The following PXDNL variants were observed in gnomAD, a reference collection of about 807,000 sequenced individuals.
PXDNL encodes peroxidasin like, also known as probable oxidoreductase PXDNL.
A neutral mutation model predicts 150.8 loss-of-function variants in PXDNL; 145 were observed. The ratio of observed to expected loss-of-function variants is 0.96; its 90% CI spans 0.84 to 1.10. The LOEUF is 1.10. Among genes scored for constraint, PXDNL ranks in the 50% least tolerant of loss-of-function variants. The probability of loss-of-function intolerance (pLI) is 0.00; values close to 1 mark genes in which losing one functional copy is unlikely to be tolerated. For missense variants in PXDNL, 2,087 were observed against 1,873.9 expected (o/e 1.11, Z -2.10); for synonymous variants, 757 against 725.7 (o/e 1.04, Z -0.69).
intron 4 of PXDNL, among the ~76,000 whole-genome samples, chr8:51,507,895 CT>C (rs1232826496): frequency 1.3e-5 from 2 of 152,162 alleles, no homozygotes; most frequent in Non-Finnish European, 2.9e-5. Flanking sequence ...TGAGAAACAC[CT>C]GAGCTACAGC....
intron 14 of PXDNL, among the ~76,000 whole-genome samples, chr8:51,421,609 G>A (rs1249551055): frequency 1.3e-5 from 2 of 152,166 alleles, no homozygotes; most frequent in Admixed American, 1.3e-4. Flanking sequence ...TGGGGCAGGA[G>A]AATTGCTTGA....
intron 1 of PXDNL, among the ~76,000 whole-genome samples, chr8:51,705,156 TG>T (rs1816350724): frequency 6.6e-6 from 1 of 152,170 alleles, no homozygotes; most frequent in South Asian, 2.1e-4. Flanking sequence ...TTCTCAGGCA[TG>T]GGGGGTCTCC....
intron 21 of PXDNL, among the ~76,000 whole-genome samples, chr8:51,322,282 A>G (rs1392745357): frequency 6.6e-6 from 1 of 152,090 alleles, no homozygotes; most frequent in African/African-American, 2.4e-5. Flanking sequence ...AGAGATGACC[A>G]TGTCTTTCAG....
At chr8:51,545,718 G>C (rs915813806) in intron 4 of PXDNL, among the ~76,000 whole-genome samples, 1 of 152,126 alleles carries the variant, frequency 6.6e-6, no homozygotes, top group South Asian at 2.1e-4. Flanking sequence ...CCAAGATGTG[G>C]AACTCACCCC....
At chr8:51,476,668 C>CT (rs1022685412) in intron 6 of PXDNL, among the ~76,000 whole-genome samples, 1 of 152,120 alleles carries the variant, frequency 6.6e-6, no homozygotes, top group South Asian at 2.1e-4. Context: ...ATGATTAATA[C>CT]TTTTTTTCAT....
chr8:51,618,441 T>C (rs975470834), intron 2 of PXDNL, among the ~76,000 whole-genome samples: 3 of 152,142 alleles, frequency 2.0e-5, no homozygotes, highest in Non-Finnish European at 4.4e-5. Context: ...GCTATAATAA[T>C]CCTCCAGTAA....
At chr8:51,710,659 T>C (rs1484349081) in intron 1 of PXDNL, among the ~76,000 whole-genome samples, 2 of 152,194 alleles carry the variant, frequency 1.3e-5, no homozygotes, top group African/African-American at 4.8e-5. Flanking sequence ...AGTCTGACCA[T>C]TTTAGATCCC....
At chr8:51,399,593 C>A (rs985992772) in intron 17 of PXDNL, among the ~76,000 whole-genome samples, 23 of 152,276 alleles carry the variant, frequency 1.5e-4, no homozygotes, top group African/African-American at 5.3e-4. Flanking sequence ...AGACAGACTG[C>A]AAAGACCATG....
intron 1 of PXDNL, among the ~76,000 whole-genome samples, chr8:51,682,238 C>T (rs1222018641): frequency 2.0e-5 from 3 of 152,056 alleles, no homozygotes; most frequent in Non-Finnish European, 4.4e-5. Flanking sequence ...AAAATTCCAG[C>T]CAGGGAATTT....
intron 17 of PXDNL, among the ~76,000 whole-genome samples, chr8:51,407,219 A>G (rs1808461141): frequency 6.6e-6 from 1 of 152,158 alleles, no homozygotes; most frequent in Non-Finnish European, 1.5e-5. Flanking sequence ...TACATTACAC[A>G]TTTTCACAGT....
chr8:51,802,184 T>A (rs1218076783), intron 1 of PXDNL, among the ~76,000 whole-genome samples: 6 of 151,804 alleles, frequency 4.0e-5, no homozygotes, highest in East Asian at 3.8e-4. Flanking sequence ...TTTTTTTTTT[T>A]AATTTTAAAA....
In PXDNL at chr8:51,665,017, G is replaced by A. The variant is rs6986483; in HGVS notation, c.165-10257C>T. ...TGGGAGCACCCGCACAGGAGGTCAG[G>A]AGACGCACAGATGGTGGCAGCTGCC... On this transcript the variant is annotated intron_variant, in intron 1 of 22. Coordinates refer to ENST00000356297, the MANE Select transcript of PXDNL (RefSeq NM_144651.5). 1.9e-3 allele frequency among the ~76,000 whole-genome samples: 297 copies of A among 152,316 alleles called. 1 individual carries two copies. The highest frequency in any genetic ancestry group is 6.9e-3 in the African/African-American group (288 of 41,572).
chr8:51,719,489 G>T (rs149446110), intron 1 of PXDNL, among the ~76,000 whole-genome samples: 7,785 of 152,076 alleles, frequency 0.051, 206 homozygotes, highest in African/African-American at 0.075. Context: ...AAGTACCCAG[G>T]GACACAAACA....
At position 51,380,066 on chromosome 8, in the gene PXDNL, A is replaced by T. The variant is rs150705430; in HGVS notation, c.3558-5335T>A. 2.8e-3 allele frequency among the ~76,000 whole-genome samples: 419 copies of T among 152,278 alleles called. 2 individuals are homozygous for T. The highest frequency in any genetic ancestry group is 9.9e-3 in the African/African-American group (410 of 41,562). On this transcript the variant is annotated intron_variant, in intron 17 of 22. Transcript: ENST00000356297. ...CTTGGCTTCCCTGGGCCACATTGAA[A>T]AAAGAAGAAGTGTCTTGGGCCACAC...
intron 2 of PXDNL, among the ~76,000 whole-genome samples, chr8:51,642,720 G>A (rs531082728): frequency 6.6e-6 from 1 of 152,138 alleles, no homozygotes; most frequent in Non-Finnish European, 1.5e-5. Context: ...GGAAATAAAG[G>A]GTATTCAATT....
intron 4 of PXDNL, among the ~76,000 whole-genome samples, chr8:51,500,939 C>T (rs913241437): frequency 6.6e-6 from 1 of 152,210 alleles, no homozygotes; most frequent in African/African-American, 2.4e-5. Context: ...ACTTTTACTT[C>T]ATTCCTAGGC....
At chr8:51,640,640 C>T (rs1052141560) in intron 2 of PXDNL, among the ~76,000 whole-genome samples, 1 of 152,188 alleles carries the variant, frequency 6.6e-6, no homozygotes, top group African/African-American at 2.4e-5. Context: ...AGGAATCCAC[C>T]TTACAAGGGA....
intron 1 of PXDNL, among the ~76,000 whole-genome samples, chr8:51,669,003 C>A (rs1025329413): frequency 6.6e-6 from 1 of 152,082 alleles, no homozygotes; most frequent in South Asian, 2.1e-4. Flanking sequence ...AAATAAGTAT[C>A]ATTAAAAATA....
intron 1 of PXDNL, among the ~76,000 whole-genome samples, chr8:51,696,836 C>CCACACACATCCACAT (rs1816153427): frequency 6.9e-6 from 1 of 144,426 alleles, no homozygotes; most frequent in African/African-American, 2.6e-5. Context: ...CACACACACA[C>CCACACACATCCACAT]ACAGGTCCTG....
Sources: allele counts gnomAD v4.1 joint callset (sites outside exome capture counted in the v4.1 genomes callset), GRCh38; gene constraint gnomAD v4.1.1; transcripts MANE v1.5; gene names NCBI Gene and HGNC (gene_info 2026-07-23, HGNC 2026-07-21).